The following PEX1 variants were observed in gnomAD, a reference collection of about 807,000 sequenced individuals.
PEX1 encodes the protein peroxisomal ATPase PEX1.
A neutral mutation model predicts 152.5 loss-of-function variants in PEX1; 97 were observed. That is an observed-to-expected ratio of 0.64 (90% CI 0.54 to 0.75). The LOEUF is 0.75. Among genes scored for constraint, PEX1 ranks in the 30% least tolerant of loss-of-function variants. PEX1 has a pLI of 0.00. For missense variants in PEX1, 1,357 were observed against 1,516.3 expected, an observed-to-expected ratio of 0.89 and a Z score of 1.74; for synonymous variants, 485 against 531.6, an observed-to-expected ratio of 0.91 and a Z score of 1.21.
At chr7:92,490,888 C>T (rs2116054287) in intron 21 of PEX1, among the ~76,000 whole-genome samples, 1 of 152,322 alleles carries the variant, frequency 6.6e-6, no homozygotes, top group Admixed American at 6.5e-5. Context: ...TCACAGATAA[C>T]ACTTTGTTTT....
intron 1 of PEX1, 61 bp from the exon 2 acceptor site, chr7:92,522,306 G>A: frequency 6.7e-7 from 1 of 1,492,436 alleles, no homozygotes; most frequent in Non-Finnish European, 9.3e-7. Flanking sequence ...GGATTCACAT[G>A]AAAATAAACT....
chr7:92,500,927 T>C lies in PEX1; in HGVS notation c.2583+580A>G, dbSNP rs147470321. Among the ~76,000 whole-genome samples, 593 of 152,336 alleles carry C rather than the reference T, an allele frequency of 3.9e-3. 2 individuals are homozygous for C. The highest frequency in any genetic ancestry group is 0.014 in the African/African-American group (579 of 41,574). On this transcript the variant is annotated intron_variant, in intron 15 of 23. Coordinates refer to ENST00000248633, the MANE Select transcript of PEX1 (RefSeq NM_000466.3). The stretch of plus-strand genomic sequence containing the variant: ...GCTTCACCCATCAGTCCTGTGAACC[T>C]TGATAACTCTTCTACCTCCTAGTTT...
At chr7:92,498,697 C>T (rs896003928) in intron 16 of PEX1, among the ~76,000 whole-genome samples, 1 of 152,002 alleles carries the variant, frequency 6.6e-6, no homozygotes, top group African/African-American at 2.4e-5. Flanking sequence ...TGAAGCATTA[C>T]CCAAAATGAT....
intron 21 of PEX1, among the ~76,000 whole-genome samples, chr7:92,490,632 CAAAAAAAAAAA>C (rs35917694): frequency 2.5e-5 from 2 of 79,656 alleles, no homozygotes; most frequent in Non-Finnish European, 4.9e-5. Flanking sequence ...GAGACTGTCT[CAAAAAAAAAAA>C]AAAAAAAAAG....
chr7:92,517,137 T>A, intron 5 of PEX1, 139 bp downstream of exon 5: 1 of 708,744 alleles, frequency 1.4e-6, no homozygotes. Context: ...AAAGCGTAAA[T>A]GTGTCCCCCA....
chr7:92,493,814 A>C, intron 19 of PEX1: 1 of 187,178 alleles, frequency 5.3e-6, no homozygotes, highest in South Asian at 1.1e-4. Context: ...ACCTTTGACT[A>C]TTCATTTGTC....
chr7:92,499,243 G>A (rs1416845762), intron 16 of PEX1, among the ~76,000 whole-genome samples: 2 of 152,152 alleles, frequency 1.3e-5, no homozygotes, highest in African/African-American at 2.4e-5. Flanking sequence ...AAACATATCC[G>A]TGGAGAAATT....
In PEX1 at chr7:92,525,582, A is replaced by G. The variant is rs1793228814; in HGVS notation, c.129+2725T>C. On this transcript the variant is annotated intron_variant, in intron 1 of 23. Coordinates refer to ENST00000248633, the MANE Select transcript of PEX1 (RefSeq NM_000466.3). ...ATGTCTGAAGACCTTTTTGGTTGTC[A>G]CAGATAGGGGGAGGCAGTACAGGCG... is the stretch of plus-strand genomic sequence containing the variant. Among the ~76,000 whole-genome samples, 3 of 152,304 alleles carry G rather than the reference A, an allele frequency of 2.0e-5. No individual in the cohort carries two copies. The East Asian group carries it at 5.8e-4, about 29-fold the overall frequency.
chr7:92,504,789 C>T lies in PEX1; in HGVS notation c.2014G>A (p.Ala672Thr). 6.2e-7 allele frequency: 1 copy of T among 1,614,158 alleles called. No homozygotes were observed. The highest frequency in any genetic ancestry group is 8.5e-7 in the Non-Finnish European group (1 of 1,180,024). ...GGACTGTGCTCATGTTCCGGGACAG[C>T]AGGCAGTCCAGCAATGAGGTCAAGG... ...DDLDLIAGLPAVPEHEHSPDA... is the reference protein window; with the variant it reads ...DDLDLIAGLPTVPEHEHSPDA... The change falls in exon 12 of 24, where the codon GCT becomes ACT. Residue 672 changes from alanine to threonine, a missense_variant. Transcript: ENST00000248633.
intron 7 of PEX1, among the ~76,000 whole-genome samples, chr7:92,511,377 G>A (rs1336117835): frequency 3.3e-5 from 5 of 152,026 alleles, no homozygotes; most frequent in South Asian, 2.1e-4. Flanking sequence ...CGCCTGCCTC[G>A]GCCTCCCAAA....
chr7:92,517,845 C>T lies in PEX1; in HGVS notation c.670G>A (p.Gly224Arg). Residue 224 changes from glycine to arginine, a missense_variant, in exon 5 of 24, where the codon GGA (glycine) becomes AGA (arginine). By Grantham distance (125) the Gly-to-Arg change is moderately radical. Coordinates refer to ENST00000248633, the MANE Select transcript of PEX1 (RefSeq NM_000466.3). ...QTKQLQSNTV[G>R]ITESNENESE... ...TCGTTTTCATTAGATTCAGTGATTC[C>T]CACAGTATTTGACTGAAGTTGCTTG... 2 of 1,543,896 alleles carry T rather than the reference C, an allele frequency of 1.3e-6. No homozygotes were observed. Among genetic ancestry groups the T allele is most frequent in the Non-Finnish European group, 1.7e-6 (2 of 1,151,222 alleles).
In PEX1 at chr7:92,515,026, G is replaced by A. The variant is rs570957234; in HGVS notation, c.1240-1059C>T. 2.0e-4 allele frequency among the ~76,000 whole-genome samples: 28 copies of A among 139,498 alleles called. No homozygotes were observed. In the South Asian group the frequency reaches 5.0e-3, roughly 25 times the overall value. 91.5% of individuals were successfully genotyped at this position (139,498 alleles called of 152,430 possible). A position where few individuals can be genotyped will look rare whatever the true frequency, so the allele number is the denominator to read the frequency against. ...ATCGCCACCACACTCCGGCCTGGGC[G>A]ACAGAGTGAGACTCCGTCTCAAGAA... On this transcript the variant is annotated intron_variant, in intron 5 of 23. Transcript: ENST00000248633.
chr7:92,507,159 G>T (rs780987332), intron 9 of PEX1, 33 bp from the exon 10 acceptor site: 3 of 1,598,842 alleles, frequency 1.9e-6, no homozygotes, highest in East Asian at 2.2e-5. Flanking sequence ...CATGATAAAA[G>T]ACTGAAGCAG....
In PEX1 at chr7:92,519,006, A is replaced by G; in HGVS notation, c.346T>C (p.Trp116Arg). ...TTGGTTTTCTTTACCAGTATCTCCC[A>G]ATCATCTGCTGAGAGGGGTTCCACC... ...VEVEPLSADDWEILELHAVSL... is the reference protein window; with the variant it reads ...VEVEPLSADDREILELHAVSL... Residue 116 changes from tryptophan to arginine, a missense_variant, in exon 3 of 24, where the codon TGG becomes CGG. Coordinates refer to ENST00000248633, the MANE Select transcript of PEX1 (RefSeq NM_000466.3). 3 of 1,609,664 alleles carry G rather than the reference A, an allele frequency of 1.9e-6. No homozygotes were observed. Among genetic ancestry groups the G allele is most frequent in the Non-Finnish European group, 8.5e-7 (1 of 1,175,944 alleles).
intron 10 of PEX1, 170 bp from the exon 11 acceptor site, chr7:92,506,514 C>T (rs921287741): frequency 1.6e-5 from 10 of 608,516 alleles, no homozygotes; most frequent in Admixed American, 5.6e-5. Context: ...CAGATTTACA[C>T]GGATAGCAAA....
intron 1 of PEX1, among the ~76,000 whole-genome samples, chr7:92,524,935 G>A (rs1298917271): frequency 6.6e-6 from 1 of 152,104 alleles, no homozygotes; most frequent in Non-Finnish European, 1.5e-5. Flanking sequence ...AGAAACTTAA[G>A]AGATGGAAAT....
At chr7:92,514,532 T>C (rs1191909338) in intron 5 of PEX1, among the ~76,000 whole-genome samples, 2 of 152,220 alleles carry the variant, frequency 1.3e-5, no homozygotes, top group African/African-American at 4.8e-5. Context: ...TTGAGCAGCC[T>C]TTATTTGTGA....
In PEX1 at chr7:92,509,330, C is replaced by T; in HGVS notation, c.1669G>A (p.Gly557Arg). ...ILPFLKLSSL[G>R]GVNSLGVSSL... ...GCTAGTTTGGCCATAACTTCTTACC[C>T]CAAAGAGCTCAGCTTTAAAAAAGGA... is the stretch of plus-strand genomic sequence containing the variant. The change falls in exon 9 of 24, where the codon GGA (glycine) becomes AGA (arginine). Residue 557 changes from glycine (G) to arginine (R), a missense_variant and splice_region_variant. By Grantham distance (125) the Gly-to-Arg change is moderately radical (BLOSUM62 -2). Transcript: ENST00000248633. 2.5e-6 allele frequency: 4 copies of T among 1,608,282 alleles called. No homozygotes were observed. Among genetic ancestry groups the T allele is most frequent in the Non-Finnish European group, 3.4e-6 (4 of 1,175,154 alleles).
chr7:92,506,110 A>AAAATTTCTAAGAT lies in PEX1; in HGVS notation c.1900+137_1900+138insATCTTAGAAATTT, dbSNP rs1792175330. On this transcript the variant is annotated intron_variant, in intron 11 of 23. Transcript: ENST00000248633. ...ATCAAAAACATTAGAAAGCCAAAGA[A>AAAATTTCTAAGAT]ATTTTAATGACTAAATGATAAACAG... is the stretch of plus-strand genomic sequence containing the variant. The AAAATTTCTAAGAT allele has an allele frequency of 9.6e-5, 8 of 83,716 alleles. 1 individual carries two copies. The South Asian group carries it at 1.5e-3, about 15-fold the overall frequency. The allele number at this position is 83,716 out of a possible 1,614,324, so 5.2% of individuals were successfully genotyped here.
Sources: gnomAD v4.1 joint callset for allele counts (sites outside exome capture counted in the v4.1 genomes callset) on GRCh38, gnomAD v4.1.1 for gene constraint, MANE v1.5 for transcripts, NCBI Gene and HGNC (gene_info 2026-07-23, HGNC 2026-07-21) for gene names.